OR2L13: variants seen among roughly 807,000 people sequenced by gnomAD.
OR2L13 encodes olfactory receptor family 2 subfamily L member 13, also known as olfactory receptor 2L13.
In OR2L13, 14 loss-of-function variants were observed where a neutral mutation model predicts 15.3. That is an observed-to-expected ratio of 0.91 (90% CI 0.60 to 1.43). The LOEUF is 1.43. Ranked by LOEUF, OR2L13 falls within the 40% of genes most tolerant of loss-of-function variation. The pLI, the probability that OR2L13 is intolerant of heterozygous loss-of-function variation, is 0.00. For missense variants in OR2L13, 367 were observed against 387.9 expected (o/e 0.95, Z 0.45); for synonymous variants, 152 against 142.9 (o/e 1.06, Z -0.45).
chr1:248,099,364 C>G (rs754962882), exon 3 of OR2L13: 1 of 1,564,234 alleles, frequency 6.4e-7, no homozygotes, highest in Admixed American at 1.7e-5. Flanking sequence ...ACAGTTACAG[C>G]AGAAAGTTTT....
At chr1:247,963,447 A>G in the OR2L13 span, among the ~76,000 whole-genome samples, 1 of 152,168 alleles carries the variant, frequency 6.6e-6, no homozygotes, top group Non-Finnish European at 1.5e-5. Flanking sequence ...CAGCTTATTT[A>G]CCACATCCTG....
the OR2L13 span, among the ~76,000 whole-genome samples, chr1:247,976,166 A>G: frequency 7.9e-5 from 12 of 152,280 alleles, no homozygotes; most frequent in South Asian, 2.1e-3. Context: ...CTTTAGAAAA[A>G]CAAGAGTTTC....
At chr1:248,092,254 T>C (rs1219534634), upstream of OR2L13, among the ~76,000 whole-genome samples, 1 of 152,214 alleles carries the variant, frequency 6.6e-6, no homozygotes, top group African/African-American at 2.4e-5. Context: ...CCTTCCTGTT[T>C]AAATGCTTTT....
exon 3 of OR2L13, chr1:248,099,712 C>T (rs1344170250): frequency 6.2e-7 from 1 of 1,614,132 alleles, no homozygotes; most frequent in Non-Finnish European, 8.5e-7. Flanking sequence ...TGAAGGCTTA[C>T]TCCTGACCTC....
At chr1:248,040,473 A>G in the OR2L13 span, 1 of 152,192 alleles carries the variant, frequency 6.6e-6, no homozygotes, top group African/African-American at 2.4e-5. Context: ...TTCTGCCTCC[A>G]CCACTCCTGA....
At chr1:247,999,285 AACAG>A in the OR2L13 span, among the ~76,000 whole-genome samples, 3 of 152,198 alleles carry the variant, frequency 2.0e-5, no homozygotes, top group South Asian at 2.1e-4. Context: ...ATTCCAAAAT[AACAG>A]ACAAAGGATA....
At chr1:247,956,424 TG>T in the OR2L13 span, among the ~76,000 whole-genome samples, 1 of 151,354 alleles carries the variant, frequency 6.6e-6, no homozygotes, top group South Asian at 2.1e-4. Flanking sequence ...CTTGGCAATG[TG>T]GGCTCTCTTT....
the OR2L13 span, among the ~76,000 whole-genome samples, chr1:248,008,754 G>T: frequency 6.6e-6 from 1 of 152,026 alleles, no homozygotes; most frequent in African/African-American, 2.4e-5. Flanking sequence ...GCAATACATT[G>T]CACTTATTCT....
chr1:248,020,706 A>G, the OR2L13 span, among the ~76,000 whole-genome samples: 19 of 152,264 alleles, frequency 1.2e-4, no homozygotes, highest in African/African-American at 4.6e-4. Flanking sequence ...ACATTTTTAG[A>G]TAGAAGAACC....
the OR2L13 span, chr1:247,990,522 G>A: frequency 6.4e-6 from 10 of 1,574,748 alleles, no homozygotes; most frequent in Admixed American, 1.7e-5. Context: ...TGATTTTTCT[G>A]TATGGAAACA....
At chr1:248,045,999 CAA>C in the OR2L13 span, 1 of 151,824 alleles carries the variant, frequency 6.6e-6, no homozygotes, top group Non-Finnish European at 1.5e-5. Context: ...TTTTAAAACT[CAA>C]AAAAATTAAA....
chr1:248,051,382 T>C, the OR2L13 span: 1 of 152,252 alleles, frequency 6.6e-6, no homozygotes, highest in East Asian at 1.9e-4. Context: ...ATATTTATAT[T>C]GATTTCTTTG....
At chr1:248,024,803 A>T in the OR2L13 span, among the ~76,000 whole-genome samples, 3 of 152,184 alleles carry the variant, frequency 2.0e-5, no homozygotes, top group African/African-American at 7.2e-5. Context: ...TGTTTTGGTT[A>T]CTATAGCCTT....
chr1:248,032,284 T>C, the OR2L13 span, among the ~76,000 whole-genome samples: 1 of 152,172 alleles, frequency 6.6e-6, no homozygotes, highest in Non-Finnish European at 1.5e-5. Flanking sequence ...TCAGTATATT[T>C]AAATGTTTTT....
chr1:248,018,016 G>A, the OR2L13 span, among the ~76,000 whole-genome samples: 7 of 151,962 alleles, frequency 4.6e-5, no homozygotes, highest in East Asian at 1.9e-4. Flanking sequence ...TTAGCCTGGC[G>A]TGGTGGTGGG....
chr1:248,002,870 A>G, the OR2L13 span, among the ~76,000 whole-genome samples: 1 of 150,012 alleles, frequency 6.7e-6, no homozygotes, highest in African/African-American at 2.4e-5. Context: ...AAAAAAAAAG[A>G]GTTATGGTGG....
the OR2L13 span, chr1:247,949,493 T>C: frequency 8.7e-6 from 14 of 1,613,030 alleles, no homozygotes; most frequent in African/African-American, 1.2e-4. Flanking sequence ...CCTTCATTGG[T>C]ATTTCATGTT....
the OR2L13 span, chr1:248,061,670 A>AG: frequency 7.0e-7 from 1 of 1,428,834 alleles, no homozygotes; most frequent in Admixed American, 2.2e-5. Flanking sequence ...TCCATCCAGC[A>AG]GTGTATAGTA....
At chr1:248,092,398 T>C (rs996989217), upstream of OR2L13, among the ~76,000 whole-genome samples, 1 of 152,086 alleles carries the variant, frequency 6.6e-6, no homozygotes, top group Non-Finnish European at 1.5e-5. Context: ...AAAAGAGAAA[T>C]ACATAAATCT....
Sources: allele counts gnomAD v4.1 joint callset (sites outside exome capture counted in the v4.1 genomes callset), GRCh38; gene constraint gnomAD v4.1.1; transcripts MANE v1.5; gene names NCBI Gene and HGNC (gene_info 2026-07-23, HGNC 2026-07-21).